SHARPIN: variants seen among roughly 807,000 people sequenced by gnomAD.
The protein encoded by SHARPIN is SHANK associated RH domain interactor.
SHARPIN carries 25 observed loss-of-function variants against 40.3 expected under a neutral mutation model. That is an observed-to-expected ratio of 0.62 (90% CI 0.45 to 0.87). The LOEUF is 0.87. SHARPIN is among the 40% of genes least tolerant of loss of function. SHARPIN has a pLI of 0.00. For synonymous variants in SHARPIN, 274 were observed against 221.8 expected, an observed-to-expected ratio of 1.24 and a Z score of -2.09; for missense variants, 551 against 516.1, an observed-to-expected ratio of 1.07 and a Z score of -0.66.
chr8:144,103,070 G>A lies in SHARPIN; in HGVS notation c.357C>T (p.Ala119=), dbSNP rs763825144. Residue 119 remains alanine (A), a synonymous_variant, in exon 2 of 9, where the codon GCC becomes GCT. Coordinates refer to ENST00000398712, the MANE Select transcript of SHARPIN (RefSeq NM_030974.4). The part of the protein sequence containing the change: ...AQRWAVLVRG[A]TVEGQNGSKS... ...ACTGACCATTCTGTCCTTCCACGGT[G>A]GCACCTCGGACTAGGACTGCCCACC... 1 of 1,613,048 alleles carries A rather than the reference G, an allele frequency of 6.2e-7. No homozygotes were observed. The highest frequency in any genetic ancestry group is 1.1e-5 in the South Asian group (1 of 91,056).
At position 144,099,561 on chromosome 8, in the gene SHARPIN, G is replaced by A. The variant is rs755441109; in HGVS notation, c.717C>T (p.His239=). The A allele has an allele frequency of 1.7e-5, 28 of 1,613,984 alleles. No individual in the cohort carries two copies. In the Admixed American group the frequency reaches 2.2e-4, roughly 12 times the overall value. Residue 239 remains histidine (H), a synonymous_variant, in exon 5 of 9, where the codon CAC becomes CAT. Coordinates refer to ENST00000398712, the MANE Select transcript of SHARPIN (RefSeq NM_030974.4). Reference sequence around the variant, plus strand: ...AGTGGGGGTGGACCTGCAGGGCAACGTGTGCAGAGGACGCGGCGGATGCGG... The same window carrying A: ...AGTGGGGGTGGACCTGCAGGGCAACATGTGCAGAGGACGCGGCGGATGCGG... ...ASAASAASSA[H]VALQVHPHCT...
At position 144,098,882 on chromosome 8, in the gene SHARPIN, G is replaced by A. The variant is rs1202998070; in HGVS notation, c.1160C>T (p.Thr387Ile). The change falls in exon 8 of 9, where the codon ACC becomes ATC. Residue 387 changes from threonine to isoleucine, a missense_variant. Thr to Ile is a moderately conservative substitution (Grantham distance 89). Coordinates refer to ENST00000398712, the MANE Select transcript of SHARPIN (RefSeq NM_030974.4). Reference sequence around the variant, plus strand: ...CTCTGGTACCTCTGGTGGCTGCTAGGTGGAAGCTGCAGCAAGGGGGTCCCA... The same window carrying A: ...CTCTGGTACCTCTGGTGGCTGCTAGATGGAAGCTGCAGCAAGGGGGTCCCA... ...CTWDPLAAAS[T>I] The A allele has an allele frequency of 1.9e-6, 3 of 1,587,684 alleles. No homozygotes were observed. The highest frequency in any genetic ancestry group is 1.7e-6 in the Non-Finnish European group (2 of 1,170,738).
chr8:144,098,854 C>CACCTCTGGT lies in SHARPIN; in HGVS notation c.*12+3_*12+11dup. 7.1e-6 allele frequency: 11 copies of CACCTCTGGT among 1,550,576 alleles called. No homozygotes were observed. In the East Asian group the frequency reaches 2.1e-4, roughly 30 times the overall value. On this transcript the variant is annotated intron_variant, in intron 8 of 8. Transcript: ENST00000398712. ...TGCCCCCCACCTCCCCTGCCTGTGC[C>CACCTCTGGT]ACCTCTGGTACCTCTGGTGGCTGCT...
intron 2 of SHARPIN, among the ~76,000 whole-genome samples, chr8:144,102,275 C>CT (rs11433813): frequency 0.85 from 116,105 of 136,722 alleles, 50,085 homozygotes; most frequent in East Asian, 0.98. Flanking sequence ...ATTCCATCTT[C>CT]TTTTTTTTTT....
intron 2 of SHARPIN, among the ~76,000 whole-genome samples, chr8:144,101,857 G>A (rs1836293860): frequency 6.6e-6 from 1 of 152,164 alleles, no homozygotes; most frequent in African/African-American, 2.4e-5. Context: ...ACCTGGGACA[G>A]GGCAGCTGCT....
intron 1 of SHARPIN, 100 bp downstream of exon 1, chr8:144,103,453 G>C: frequency 7.7e-7 from 1 of 1,292,370 alleles, no homozygotes; most frequent in Non-Finnish European, 1.1e-6. Flanking sequence ...AAACATAACT[G>C]CTTAAGGGCA....
In SHARPIN at chr8:144,099,383, G is replaced by T. The variant is rs756885460; in HGVS notation, c.816C>A (p.Ile272=). 2 of 1,613,694 alleles carry T rather than the reference G, an allele frequency of 1.2e-6. No individual in the cohort carries two copies. The highest frequency in any genetic ancestry group is 2.2e-5 in the South Asian group (2 of 91,056). Residue 272 remains isoleucine, a synonymous_variant, in exon 6 of 9, where the codon ATC becomes ATA. Transcript: ENST00000398712. ...GFPPAVQRWV[I]GRCLCVPERS... is the part of the protein sequence containing the mutation. ...GCTCAGGCACACACAGGCACCGTCC[G>T]ATGACCCAGCGTTGCACGGCTGGCG... is the stretch of plus-strand genomic sequence containing the variant.
chr8:144,103,299 T>TA, intron 1 of SHARPIN, 74 bp from the exon 2 acceptor site: 1 of 1,480,236 alleles, frequency 6.8e-7, no homozygotes, highest in Non-Finnish European at 9.2e-7. Context: ...AAATACAAGG[T>TA]AACATTTATA....
intron 2 of SHARPIN, among the ~76,000 whole-genome samples, chr8:144,102,025 T>C (rs188954031): frequency 6.6e-6 from 1 of 152,316 alleles, no homozygotes; most frequent in Admixed American, 6.5e-5. Flanking sequence ...GGGAGCCCCA[T>C]ACTACCTAGT....
At position 144,100,009 on chromosome 8, in the gene SHARPIN, C is replaced by A. The variant is rs771499771; in HGVS notation, c.437G>T (p.Ser146Ile). ...CTTGAGTGTGGAGGCTTCCGGGGGA[C>A]TGGGCAGGGAGACAGGGCATGCTTC... ...GPEACPVSLP[S>I]PPEASTLKGP... Residue 146 changes from serine (S) to isoleucine (I), a missense_variant, in exon 3 of 9, where the codon AGT (serine) becomes ATT (isoleucine). Physicochemically the swap from Ser to Ile is moderately radical, Grantham distance 142. Coordinates refer to ENST00000398712, the MANE Select transcript of SHARPIN (RefSeq NM_030974.4). 2 of 1,604,928 alleles carry A rather than the reference C, an allele frequency of 1.2e-6. No homozygotes were observed. The highest frequency in any genetic ancestry group is 1.7e-4 in the Middle Eastern group (1 of 6,012).
At position 144,099,371 on chromosome 8, in the gene SHARPIN, C is replaced by T. The variant is rs750450161; in HGVS notation, c.828G>A (p.Leu276=). The change falls in exon 6 of 9, where the codon CTG becomes CTA. Residue 276 remains leucine (L), a synonymous_variant. Coordinates refer to ENST00000398712, the MANE Select transcript of SHARPIN (RefSeq NM_030974.4). ...AVQRWVIGRC[L]CVPERSLASY... The stretch of plus-strand genomic sequence containing the variant: ...AGGCAAGGCTGCGCTCAGGCACACA[C>T]AGGCACCGTCCGATGACCCAGCGTT... The T allele has an allele frequency of 2.5e-6, 4 of 1,613,690 alleles. No individual in the cohort carries two copies. Among genetic ancestry groups the T allele is most frequent in the Non-Finnish European group, 3.4e-6 (4 of 1,179,868 alleles).
At chr8:144,102,494 A>G (rs6558299) in intron 2 of SHARPIN, 152,830 of 159,800 alleles carry the variant, frequency 0.96, 73,519 homozygotes, top group East Asian at 1. Flanking sequence ...GGCTGGTCTC[A>G]AACTCCTGAC....
rs1329563793 is a variant in SHARPIN, at chr8:144,103,127, G to A, written c.300C>T (p.Ser100=). ...CTTCCTGAGGGTTGAGGAAGTGCAG[G>A]CTGAGGGTTCCAGGCCCTCCTGGTG... The part of the protein sequence containing the change: ...QPPPGGPGTL[S]LHFLNPQEAQ... Residue 100 remains serine (S), a synonymous_variant, in exon 2 of 9, where the codon AGC becomes AGT. Coordinates refer to ENST00000398712, the MANE Select transcript of SHARPIN (RefSeq NM_030974.4). 1 of 1,613,698 alleles carries A rather than the reference G, an allele frequency of 6.2e-7. No homozygotes were observed. The highest frequency in any genetic ancestry group is 8.5e-7 in the Non-Finnish European group (1 of 1,179,956).
intron 2 of SHARPIN, 68 bp downstream of exon 2, chr8:144,102,983 T>C (rs1181912516): frequency 1.6e-5 from 26 of 1,590,822 alleles, no homozygotes; most frequent in Non-Finnish European, 2.2e-5. Context: ...TGGATCCAAC[T>C]TCCCCAACCA....
At chr8:144,101,758 G>A (rs1468172106) in intron 2 of SHARPIN, among the ~76,000 whole-genome samples, 1 of 151,792 alleles carries the variant, frequency 6.6e-6, no homozygotes, top group Non-Finnish European at 1.5e-5. Flanking sequence ...GCCCAGCCCT[G>A]TACTTATTTT....
At chr8:144,100,304 T>C (rs1836264591) in intron 2 of SHARPIN, among the ~76,000 whole-genome samples, 1 of 152,246 alleles carries the variant, frequency 6.6e-6, no homozygotes, top group African/African-American at 2.4e-5. Flanking sequence ...AATTAGAGCC[T>C]TTTCAAACCC....
Position 144,099,101 on chromosome 8 carries a change from TG to T in SHARPIN, c.1026del (p.Ser343AlafsTer69). On this transcript the variant is annotated frameshift_variant, in exon 7 of 9. Coordinates refer to ENST00000398712, the MANE Select transcript of SHARPIN (RefSeq NM_030974.4). LOFTEE classifies it high-confidence loss of function. ...GLPPGPQPAA[S>X]SLPSPLQPSW... ...CCCACCTGGAGTGGACTGGGCAGGCTGGAGGCAGCTGGCTGGGGGCCTGGGG... is the reference window on the plus strand; with the variant it reads ...CCCACCTGGAGTGGACTGGGCAGGCTGAGGCAGCTGGCTGGGGGCCTGGGG... 1 of 1,582,124 alleles carries T rather than the reference TG, an allele frequency of 6.3e-7. No homozygotes were observed. Among genetic ancestry groups the T allele is most frequent in the Non-Finnish European group, 8.6e-7 (1 of 1,164,324 alleles).
Position 144,098,834 on chromosome 8 carries a change from C to T in SHARPIN, c.*12+32G>A, listed in dbSNP as rs771915675. 61 of 1,467,796 alleles carry T rather than the reference C, an allele frequency of 4.2e-5. 1 individual carries two copies. Among genetic ancestry groups the T allele is most frequent in the Non-Finnish European group, 5.5e-5 (60 of 1,086,304 alleles). 90.9% of individuals were successfully genotyped at this position (1,467,796 alleles called of 1,614,324 possible). On this transcript the variant is annotated intron_variant, in intron 8 of 8. Coordinates refer to ENST00000398712, the MANE Select transcript of SHARPIN (RefSeq NM_030974.4). ...CATTCCTGTGGATTCTGCCCTGCCCCCCACCTCCCCTGCCTGTGCCACCTC... is the reference window on the plus strand; with the variant it reads ...CATTCCTGTGGATTCTGCCCTGCCCTCCACCTCCCCTGCCTGTGCCACCTC...
intron 1 of SHARPIN, 43 bp from the exon 2 acceptor site, chr8:144,103,268 T>C (rs1201334570): frequency 1.3e-6 from 2 of 1,556,564 alleles, no homozygotes; most frequent in Non-Finnish European, 1.7e-6. Flanking sequence ...CCCCCCGCCC[T>C]ACATCGCACG....
Sources: gnomAD v4.1 joint callset for allele counts (sites outside exome capture counted in the v4.1 genomes callset) on GRCh38, gnomAD v4.1.1 for gene constraint, MANE v1.5 for transcripts, NCBI Gene and HGNC (gene_info 2026-07-23, HGNC 2026-07-21) for gene names.